The following RAB2A variants were observed in gnomAD, a reference collection of about 807,000 sequenced individuals.
RAB2A encodes the protein ras-related protein Rab-2A.
In RAB2A, 7 loss-of-function variants were observed where a neutral mutation model predicts 32.5. That is an observed-to-expected ratio of 0.22 (90% CI 0.12 to 0.40). The LOEUF (loss-of-function observed/expected upper bound fraction) is 0.40. RAB2A is among the 10% of genes least tolerant of loss of function. The pLI, the probability that RAB2A is intolerant of heterozygous loss-of-function variation, is 1.00. For synonymous variants in RAB2A, 79 were observed against 85.2 expected, an observed-to-expected ratio of 0.93 and a Z score of 0.40; for missense variants, 108 against 260.7, an observed-to-expected ratio of 0.41 and a Z score of 4.03.
At chr8:60,551,585 G>A (rs990959257) in intron 1 of RAB2A, among the ~76,000 whole-genome samples, 4 of 152,234 alleles carry the variant, frequency 2.6e-5, no homozygotes, top group Non-Finnish European at 4.4e-5. Flanking sequence ...GATAACTACA[G>A]ATGGTCTCTG....
At chr8:60,524,623 A>G (rs1807350836) in intron 1 of RAB2A, among the ~76,000 whole-genome samples, 1 of 152,250 alleles carries the variant, frequency 6.6e-6, no homozygotes, top group Admixed American at 6.5e-5. Context: ...TGTAATGCAC[A>G]CATAGTAGCC....
intron 6 of RAB2A, among the ~76,000 whole-genome samples, chr8:60,593,307 C>T (rs73683526): frequency 1.3e-5 from 2 of 152,120 alleles, no homozygotes; most frequent in Admixed American, 6.5e-5. Context: ...ACCTTGGTGC[C>T]AGAGGAATGA....
At chr8:60,613,952 A>G (rs1404670544) in intron 6 of RAB2A, among the ~76,000 whole-genome samples, 1 of 152,196 alleles carries the variant, frequency 6.6e-6, no homozygotes, top group Non-Finnish European at 1.5e-5. Flanking sequence ...TTTACAAGAT[A>G]CCCTGCTCTG....
intron 1 of RAB2A, among the ~76,000 whole-genome samples, chr8:60,531,938 G>A (rs555162241): frequency 1.3e-5 from 2 of 152,014 alleles, no homozygotes; most frequent in Admixed American, 6.6e-5. Flanking sequence ...GAGTAGCTGG[G>A]ATTACAGGCG....
intron 6 of RAB2A, among the ~76,000 whole-genome samples, chr8:60,618,041 A>G (rs984749719): frequency 6.6e-6 from 1 of 152,240 alleles, no homozygotes; most frequent in Admixed American, 6.5e-5. Context: ...ACATTGTAGC[A>G]TGAATCAGTA....
intron 1 of RAB2A, among the ~76,000 whole-genome samples, chr8:60,523,713 A>C (rs1407135710): frequency 4.9e-5 from 7 of 143,722 alleles, no homozygotes; most frequent in Admixed American, 2.1e-4. Context: ...TTTTTTTGAG[A>C]CAAGTCTCGC....
intron 1 of RAB2A, among the ~76,000 whole-genome samples, chr8:60,536,158 T>C (rs1807553354): frequency 6.6e-6 from 1 of 152,216 alleles, no homozygotes; most frequent in Non-Finnish European, 1.5e-5. Context: ...GAATATTTAA[T>C]TTTGACTTTG....
intron 1 of RAB2A, among the ~76,000 whole-genome samples, chr8:60,547,622 C>T (rs367895173): frequency 0.024 from 2,369 of 97,032 alleles, 10 homozygotes; most frequent in East Asian, 0.053. Context: ...CGCCCCTCAC[C>T]TCCCGGACGG....
chr8:60,566,500 G>A (rs1808115750), intron 2 of RAB2A, among the ~76,000 whole-genome samples: 3 of 151,852 alleles, frequency 2.0e-5, no homozygotes, highest in South Asian at 2.1e-4. Context: ...ATCTACTGTG[G>A]CTTCCTAGCC....
intron 6 of RAB2A, among the ~76,000 whole-genome samples, chr8:60,610,189 T>C (rs1339039423): frequency 6.6e-6 from 1 of 151,984 alleles, no homozygotes; most frequent in Admixed American, 6.6e-5. Context: ...ACCAAGACTA[T>C]AGCTGAAAAT....
At chr8:60,553,198 T>C (rs559173100) in intron 1 of RAB2A, among the ~76,000 whole-genome samples, 3 of 152,236 alleles carry the variant, frequency 2.0e-5, no homozygotes, top group Admixed American at 1.3e-4. Flanking sequence ...AAATTGAAAT[T>C]GATTGTTTAT....
chr8:60,518,703 G>A (rs1333680918), intron 1 of RAB2A, among the ~76,000 whole-genome samples: 1 of 150,018 alleles, frequency 6.7e-6, no homozygotes, highest in Non-Finnish European at 1.5e-5. Flanking sequence ...GCGTGCGTGC[G>A]TGTGTGTGTG....
At chr8:60,525,697 G>A (rs144847212) in intron 1 of RAB2A, among the ~76,000 whole-genome samples, 28 of 152,126 alleles carry the variant, frequency 1.8e-4, no homozygotes, top group Middle Eastern at 3.4e-3. Context: ...AAATCTAAGG[G>A]AGAAAATGAA....
intron 6 of RAB2A, among the ~76,000 whole-genome samples, chr8:60,616,362 T>C (rs1211613164): frequency 6.6e-6 from 1 of 152,238 alleles, no homozygotes; most frequent in Non-Finnish European, 1.5e-5. Flanking sequence ...AACTCACTTA[T>C]GGGGCCTTGT....
intron 1 of RAB2A, among the ~76,000 whole-genome samples, chr8:60,545,795 A>C (rs1272797975): frequency 6.6e-6 from 1 of 152,248 alleles, no homozygotes; most frequent in Non-Finnish European, 1.5e-5. Flanking sequence ...GTGTATATCC[A>C]AGATATCCAC....
chr8:60,607,991 A>G (rs1226988698), intron 6 of RAB2A, among the ~76,000 whole-genome samples: 1 of 152,030 alleles, frequency 6.6e-6, no homozygotes, highest in African/African-American at 2.4e-5. Flanking sequence ...AGCTGTCTCC[A>G]TTTCCTTGTT....
chr8:60,558,960 T>C, intron 2 of RAB2A, 37 bp downstream of exon 2: 1 of 1,479,668 alleles, frequency 6.8e-7, no homozygotes, highest in South Asian at 1.2e-5. Context: ...CACTAAAAGT[T>C]TTGGATAGTT....
chr8:60,543,274 C>T (rs1471859880), intron 1 of RAB2A, among the ~76,000 whole-genome samples: 1 of 152,238 alleles, frequency 6.6e-6, no homozygotes, highest in Non-Finnish European at 1.5e-5. Flanking sequence ...TGTGTTCTCT[C>T]AGAAGGCTCC....
rs1804556380 is a variant in RAB2A, at chr8:60,623,165, CTGAA to C, written c.*2401_*2404del. ...CATTCGTCTTGCAAATTTAAGACAA[CTGAA>C]TGAAAAGCCAATTTTTTGAAAGAAT... On this transcript the variant is annotated 3_prime_UTR_variant, in exon 8 of 8. Transcript: ENST00000262646. 1 of 152,148 alleles carries C rather than the reference CTGAA, an allele frequency of 6.6e-6. No individual in the cohort carries two copies. Among genetic ancestry groups the C allele is most frequent in the Non-Finnish European group, 1.5e-5 (1 of 68,030 alleles). The allele number at this position is 152,148 out of a possible 1,614,324, so 9.4% of individuals were successfully genotyped here.
Sources: gnomAD v4.1 joint callset for allele counts (sites outside exome capture counted in the v4.1 genomes callset) on GRCh38, gnomAD v4.1.1 for gene constraint, MANE v1.5 for transcripts, NCBI Gene and HGNC (gene_info 2026-07-23, HGNC 2026-07-21) for gene names.